Variants in METTL15 observed in about 807,000 individuals in gnomAD.
METTL15 encodes the protein methyltransferase 15, mitochondrial 12S rRNA N4-cytidine, also known as 12S rRNA N(4)-cytidine methyltransferase METTL15.
Under a neutral mutation model 38.3 loss-of-function variants are expected in METTL15, and 34 were observed. The ratio of observed to expected loss-of-function variants is 0.89; its 90% CI spans 0.68 to 1.18. The LOEUF is 1.18. Among genes scored for constraint, METTL15 ranks in the 50% most tolerant of loss-of-function variants. The pLI is 0.00. For synonymous variants in METTL15, 162 were observed against 170.9 expected (o/e 0.95, Z 0.41); for missense variants, 438 against 498.4 (o/e 0.88, Z 1.15).
intron 4 of METTL15, chr11:28,287,134 T>C (rs1256877968): frequency 6.3e-6 from 1 of 158,248 alleles, no homozygotes; most frequent in Non-Finnish European, 1.3e-5. Flanking sequence ...ACCATATGTA[T>C]ATATATAGAG....
chr11:28,532,407 G>A, the METTL15 span, among the ~76,000 whole-genome samples: 4 of 152,196 alleles, frequency 2.6e-5, no homozygotes, highest in African/African-American at 9.6e-5. Flanking sequence ...TGCATGGTGT[G>A]AGTACACATG....
At chr11:28,206,351 T>C (rs1852342891) in intron 3 of METTL15, among the ~76,000 whole-genome samples, 1 of 152,178 alleles carries the variant, frequency 6.6e-6, no homozygotes, top group Non-Finnish European at 1.5e-5. Context: ...CCAGCACCAT[T>C]TATTAAATGG....
intron 5 of METTL15, among the ~76,000 whole-genome samples, chr11:28,372,039 T>C (rs1334828709): frequency 1.3e-5 from 2 of 152,074 alleles, no homozygotes; most frequent in East Asian, 1.9e-4. Context: ...ATAAAAATGG[T>C]GAAAGTAGGC....
In METTL15 at chr11:28,438,959, G is replaced by A. The variant is rs538241646; in HGVS notation, c.*424+14595G>A. On this transcript the variant is annotated intron_variant and NMD_transcript_variant, in intron 6 of 7. Transcript: ENST00000532947. ...CCCAAAGTGCTGGGATTACAAGCGT[G>A]AGCCACCGCGCCCAGCCAGACCACA... is the stretch of plus-strand genomic sequence containing the variant. 6.6e-5 allele frequency among the ~76,000 whole-genome samples: 10 copies of A among 151,818 alleles called. No individual in the cohort carries two copies. In the East Asian group the frequency reaches 1.9e-3, roughly 29 times the overall value.
intron 5 of METTL15, among the ~76,000 whole-genome samples, chr11:28,362,446 A>C (rs546839490): frequency 6.6e-6 from 1 of 152,194 alleles, no homozygotes; most frequent in Non-Finnish European, 1.5e-5. Context: ...GGCCATAAGC[A>C]TAGTACCCAA....
chr11:28,215,485 A>G (rs759726557), intron 4 of METTL15, among the ~76,000 whole-genome samples: 15 of 151,906 alleles, frequency 9.9e-5, no homozygotes, highest in Non-Finnish European at 1.8e-4. Flanking sequence ...TCAGAAGGTA[A>G]CTTTGCTTCT....
At chr11:28,151,338 C>G (rs1345791484) in intron 3 of METTL15, among the ~76,000 whole-genome samples, 1 of 151,788 alleles carries the variant, frequency 6.6e-6, no homozygotes, top group African/African-American at 2.4e-5. Flanking sequence ...GTTAATTGGC[C>G]ACTTACTTTC....
chr11:28,313,752 T>A (rs1857386142), intron 6 of METTL15, among the ~76,000 whole-genome samples: 1 of 152,052 alleles, frequency 6.6e-6, no homozygotes, highest in African/African-American at 2.4e-5. Flanking sequence ...GATACCATAA[T>A]TTATTAACTT....
At chr11:28,197,522 A>G in intron 3 of METTL15, 1 of 446,632 alleles carries the variant, frequency 2.2e-6, no homozygotes, top group Middle Eastern at 3.4e-4. Context: ...ATTTCCATTT[A>G]CACACGAGGA....
intron 6 of METTL15, among the ~76,000 whole-genome samples, chr11:28,525,781 AC>A (rs1182788015): frequency 6.6e-6 from 1 of 152,232 alleles, no homozygotes; most frequent in Non-Finnish European, 1.5e-5. Context: ...GCCTGCCAGT[AC>A]CGCGCCGTGC....
At chr11:28,278,768 A>G (rs1315051206) in intron 4 of METTL15, among the ~76,000 whole-genome samples, 1 of 152,118 alleles carries the variant, frequency 6.6e-6, no homozygotes, top group Admixed American at 6.6e-5. Flanking sequence ...TTTGGTTTGT[A>G]CATATTTTGT....
chr11:28,531,590 A>G (rs943541470), downstream of METTL15, among the ~76,000 whole-genome samples: 1 of 152,072 alleles, frequency 6.6e-6, no homozygotes, highest in Admixed American at 6.6e-5. Context: ...TTCTGAAAAT[A>G]ATAATGCCTA....
intron 6 of METTL15, among the ~76,000 whole-genome samples, chr11:28,425,590 C>T (rs1480463599): frequency 2.0e-5 from 3 of 152,288 alleles, no homozygotes; most frequent in Non-Finnish European, 2.9e-5. Flanking sequence ...CATCACTTCA[C>T]CTAAGCGGCC....
At chr11:28,131,850 T>G (rs1849348829) in intron 3 of METTL15, among the ~76,000 whole-genome samples, 1 of 152,196 alleles carries the variant, frequency 6.6e-6, no homozygotes, top group Middle Eastern at 3.2e-3. Context: ...TTTCAAAAGA[T>G]TAATGTTATA....
At chr11:28,126,388 C>G (rs1029429275) in intron 3 of METTL15, among the ~76,000 whole-genome samples, 1 of 152,048 alleles carries the variant, frequency 6.6e-6, no homozygotes, top group South Asian at 2.1e-4. Context: ...CCGCCTTCCT[C>G]CATAGCACAC....
chr11:28,367,409 A>C (rs1047337437), intron 5 of METTL15, among the ~76,000 whole-genome samples: 40 of 152,190 alleles, frequency 2.6e-4, no homozygotes, highest in African/African-American at 9.4e-4. Context: ...AGCCAGGCTG[A>C]TTGGTCAATA....
chr11:28,202,271 T>C (rs893939623), intron 3 of METTL15, among the ~76,000 whole-genome samples: 2 of 152,016 alleles, frequency 1.3e-5, no homozygotes, highest in African/African-American at 2.4e-5. Context: ...ACCAGTTGGG[T>C]TTGGAGTATA....
chr11:28,449,752 G>A (rs1418042011), intron 6 of METTL15, among the ~76,000 whole-genome samples: 1 of 152,156 alleles, frequency 6.6e-6, no homozygotes, highest in Admixed American at 6.5e-5. Context: ...GGAGCCATGA[G>A]CTGCTGTGTA....
intron 3 of METTL15, among the ~76,000 whole-genome samples, chr11:28,116,718 C>T (rs1296866236): frequency 2.0e-5 from 3 of 152,174 alleles, no homozygotes; most frequent in Non-Finnish European, 4.4e-5. Flanking sequence ...AGGCAGTATA[C>T]ACAGGCAAGT....
Sources: allele counts gnomAD v4.1 joint callset (sites outside exome capture counted in the v4.1 genomes callset), GRCh38; gene constraint gnomAD v4.1.1; transcripts MANE v1.5; gene names NCBI Gene and HGNC (gene_info 2026-07-23, HGNC 2026-07-21).